Variants in HS6ST3 observed in about 807,000 individuals in gnomAD.
HS6ST3 encodes heparan-sulfate 6-O-sulfotransferase 3.
A neutral mutation model predicts 36.7 loss-of-function variants in HS6ST3; 12 were observed. The observed-to-expected ratio is 0.33, with a 90% CI of 0.21 to 0.53. The LOEUF is 0.53. Ranked by LOEUF, HS6ST3 falls within the 20% of genes least tolerant of loss-of-function variation. HS6ST3 has a pLI of 0.95. For missense variants in HS6ST3, 584 were observed against 640.9 expected (o/e 0.91, Z 0.96); for synonymous variants, 240 against 257.5 (o/e 0.93, Z 0.65).
intron 1 of HS6ST3, among the ~76,000 whole-genome samples, chr13:96,763,666 A>G (rs1877024035): frequency 6.6e-6 from 1 of 152,124 alleles, no homozygotes; most frequent in Non-Finnish European, 1.5e-5. Context: ...TGGCTTGGAG[A>G]AGATTCTTAG....
intron 1 of HS6ST3, among the ~76,000 whole-genome samples, chr13:96,190,765 G>A (rs1006083054): frequency 6.6e-6 from 1 of 152,316 alleles, no homozygotes; most frequent in East Asian, 1.9e-4. Context: ...GGCAGGCCTC[G>A]TGAGGAGAGG....
intron 1 of HS6ST3, among the ~76,000 whole-genome samples, chr13:96,756,524 T>C (rs1876835016): frequency 6.6e-6 from 1 of 152,232 alleles, no homozygotes; most frequent in Non-Finnish European, 1.5e-5. Flanking sequence ...AATCAGCTTG[T>C]TAATTTCTAC....
intron 1 of HS6ST3, among the ~76,000 whole-genome samples, chr13:96,327,130 G>A (rs2055036752): frequency 6.7e-6 from 1 of 148,406 alleles, no homozygotes; most frequent in African/African-American, 2.5e-5. Context: ...TTTGTAGGTT[G>A]CCTGTTCACT....
intron 1 of HS6ST3, among the ~76,000 whole-genome samples, chr13:96,789,953 C>T (rs1877742990): frequency 6.6e-6 from 1 of 151,606 alleles, no homozygotes. Flanking sequence ...AAGTTTGTTT[C>T]CTATGAAATT....
intron 1 of HS6ST3, among the ~76,000 whole-genome samples, chr13:96,194,594 A>G (rs559270642): frequency 2.0e-4 from 30 of 152,314 alleles, no homozygotes; most frequent in African/African-American, 7.2e-4. Context: ...GCCACCTCAC[A>G]TAGTTACTAT....
chr13:96,122,879 T>A (rs2053932899), intron 1 of HS6ST3, among the ~76,000 whole-genome samples: 1 of 152,114 alleles, frequency 6.6e-6, no homozygotes. Context: ...TACTAACAGC[T>A]TTAGTGTGCC....
chr13:96,403,303 C>A (rs1415964088), intron 1 of HS6ST3, among the ~76,000 whole-genome samples: 3 of 151,892 alleles, frequency 2.0e-5, no homozygotes, highest in African/African-American at 7.3e-5. Flanking sequence ...TATGTACAGC[C>A]CATTTATGAC....
intron 1 of HS6ST3, among the ~76,000 whole-genome samples, chr13:96,823,706 G>A (rs1474381540): frequency 3.3e-5 from 5 of 151,800 alleles, no homozygotes; most frequent in Admixed American, 6.6e-5. Flanking sequence ...TGCAACCTCC[G>A]CCTCCCATGT....
At chr13:96,427,711 T>C (rs2055594167) in intron 1 of HS6ST3, among the ~76,000 whole-genome samples, 1 of 152,192 alleles carries the variant, frequency 6.6e-6, no homozygotes, top group Non-Finnish European at 1.5e-5. Context: ...ATTGGTACAA[T>C]GCTATTATTT....
intron 1 of HS6ST3, among the ~76,000 whole-genome samples, chr13:96,306,321 C>T (rs2054913135): frequency 6.6e-6 from 1 of 151,964 alleles, no homozygotes; most frequent in African/African-American, 2.4e-5. Flanking sequence ...CCAGGATAGT[C>T]TTGATCTCTT....
intron 1 of HS6ST3, among the ~76,000 whole-genome samples, chr13:96,251,644 G>C (rs2054608569): frequency 1.3e-5 from 2 of 151,822 alleles, no homozygotes; most frequent in South Asian, 4.2e-4. Context: ...TATAATGTTA[G>C]ATTGTTCATT....
chr13:96,816,267 G>C (rs913203738), intron 1 of HS6ST3, among the ~76,000 whole-genome samples: 1 of 152,212 alleles, frequency 6.6e-6, no homozygotes, highest in Non-Finnish European at 1.5e-5. Context: ...AAATTCTAAA[G>C]AGAAATGACT....
chr13:96,742,850 T>C (rs2138486271), intron 1 of HS6ST3, among the ~76,000 whole-genome samples: 1 of 152,242 alleles, frequency 6.6e-6, no homozygotes, highest in South Asian at 2.1e-4. Flanking sequence ...GTTTTCGCTA[T>C]AGCTCATGAA....
chr13:96,699,637 T>C (rs940404602), intron 1 of HS6ST3, among the ~76,000 whole-genome samples: 2 of 152,230 alleles, frequency 1.3e-5, no homozygotes, highest in African/African-American at 4.8e-5. Context: ...ACTTTTACAC[T>C]GTTGGTGGGT....
At chr13:96,451,137 A>G (rs1325021000) in intron 1 of HS6ST3, among the ~76,000 whole-genome samples, 1 of 152,034 alleles carries the variant, frequency 6.6e-6, no homozygotes, top group Non-Finnish European at 1.5e-5. Flanking sequence ...GTGTAATGTA[A>G]TTTAATGTGT....
At chr13:96,140,870 G>C (rs1209006373) in intron 1 of HS6ST3, among the ~76,000 whole-genome samples, 4 of 152,066 alleles carry the variant, frequency 2.6e-5, no homozygotes, top group African/African-American at 9.7e-5. Flanking sequence ...GGAAGGGGAA[G>C]GATCAAAGCT....
Position 96,606,594 on chromosome 13 carries a change from A to AGAGGGAGGGAGG in HS6ST3, c.708-225862_708-225851dup, listed in dbSNP as rs757536053. ...CTGGAGGAGGGAGAGAGGGAGGGAC[A>AGAGGGAGGGAGG]GAGGGAGGGAGGGAGGGAGGGAGGG... is the stretch of plus-strand genomic sequence containing the variant. On this transcript the variant is annotated intron_variant, in intron 1 of 1. Transcript: ENST00000376705. Among the ~76,000 whole-genome samples, 64 of 74,482 alleles carry AGAGGGAGGGAGG rather than the reference A, an allele frequency of 8.6e-4. 1 individual carries two copies. Among genetic ancestry groups the AGAGGGAGGGAGG allele is most frequent in the African/African-American group, 3.1e-3 (60 of 19,060 alleles). The allele number at this position is 74,482 out of a possible 152,430, so 48.9% of individuals were successfully genotyped here.
chr13:96,758,019 G>A (rs976908378), intron 1 of HS6ST3, among the ~76,000 whole-genome samples: 6 of 151,910 alleles, frequency 3.9e-5, no homozygotes, highest in African/African-American at 1.2e-4. Context: ...ATAAATTGGC[G>A]TTTCTGCCTT....
intron 1 of HS6ST3, among the ~76,000 whole-genome samples, chr13:96,391,782 T>G (rs2055397010): frequency 6.6e-6 from 1 of 152,142 alleles, no homozygotes; most frequent in Non-Finnish European, 1.5e-5. Flanking sequence ...CATGGGAAAG[T>G]CCTGCACCCA....
Sources: allele counts gnomAD v4.1 joint callset (sites outside exome capture counted in the v4.1 genomes callset), GRCh38; gene constraint gnomAD v4.1.1; transcripts MANE v1.5; gene names NCBI Gene and HGNC (gene_info 2026-07-23, HGNC 2026-07-21).